Variants in KIAA0825 observed in about 807,000 individuals in gnomAD.
The protein encoded by KIAA0825 is KIAA0825.
Under a neutral mutation model 147.6 loss-of-function variants are expected in KIAA0825, and 119 were observed. The observed-to-expected ratio is 0.81, with a 90% CI of 0.69 to 0.94. The LOEUF is 0.94. KIAA0825 is among the 40% of genes least tolerant of loss of function. KIAA0825 has a pLI of 0.00. For synonymous variants in KIAA0825, 470 were observed against 518.1 expected (o/e 0.91, Z 1.26); for missense variants, 1,381 against 1,472.7 (o/e 0.94, Z 1.02).
At chr5:94,250,605 C>T (rs547126266) in intron 20 of KIAA0825, among the ~76,000 whole-genome samples, 1 of 152,192 alleles carries the variant, frequency 6.6e-6, no homozygotes, top group South Asian at 2.1e-4. Context: ...TACAAAGCCT[C>T]CTGCAACATA....
intron 20 of KIAA0825, among the ~76,000 whole-genome samples, chr5:94,339,706 C>T (rs1029563738): frequency 1.3e-5 from 2 of 152,134 alleles, no homozygotes; most frequent in Non-Finnish European, 2.9e-5. Context: ...AATTATACAT[C>T]AACTCAGTCA....
intron 6 of KIAA0825, among the ~76,000 whole-genome samples, chr5:94,483,636 T>C (rs572693690): frequency 2.6e-5 from 4 of 151,878 alleles, no homozygotes; most frequent in African/African-American, 9.6e-5. Context: ...ATCTTTATTT[T>C]TTCTTCAAAT....
At chr5:94,616,532 A>C (rs1479833129) in intron 1 of KIAA0825, among the ~76,000 whole-genome samples, 2 of 151,124 alleles carry the variant, frequency 1.3e-5, no homozygotes, top group Non-Finnish European at 3.0e-5. Context: ...TTCTCCCTAC[A>C]CACACACACA....
At chr5:94,545,948 T>TA (rs773010965) in intron 2 of KIAA0825, among the ~76,000 whole-genome samples, 6 of 152,148 alleles carry the variant, frequency 3.9e-5, no homozygotes, top group Non-Finnish European at 7.4e-5. Flanking sequence ...TGGATGGCAT[T>TA]TCTGGCCCTG....
intron 2 of KIAA0825, among the ~76,000 whole-genome samples, chr5:94,573,390 C>T (rs1355143986): frequency 6.6e-6 from 1 of 151,346 alleles, no homozygotes; most frequent in African/African-American, 2.4e-5. Context: ...CCTGTTTCAG[C>T]CTCCCTAGTA....
At chr5:94,594,145 C>CTT (rs1784843556) in intron 1 of KIAA0825, 2 of 555,472 alleles carry the variant, frequency 3.6e-6, no homozygotes, top group Non-Finnish European at 7.3e-6. Flanking sequence ...TGAATATCTG[C>CTT]TAAAGGTAAT....
At chr5:94,581,134 A>G (rs1584954098) in intron 2 of KIAA0825, among the ~76,000 whole-genome samples, 1 of 152,166 alleles carries the variant, frequency 6.6e-6, no homozygotes, top group Admixed American at 6.5e-5. Context: ...AAAAAAATCA[A>G]TAGTGAAACA....
At position 94,408,209 on chromosome 5, in the gene KIAA0825, T is replaced by C. The variant is rs371832918; in HGVS notation, c.2663-4416A>G. ...GATGGGAGCAGGACACCAAGACCTT[T>C]TGATAGTGAGAAGAAAGGGAGAGAT... On this transcript the variant is annotated intron_variant, in intron 15 of 20. Coordinates refer to ENST00000682413, the MANE Select transcript of KIAA0825 (RefSeq NM_001145678.3). Among the ~76,000 whole-genome samples the C allele has an allele frequency of 1.3e-5, 2 of 152,314 alleles. 1 individual carries two copies. Among genetic ancestry groups the C allele is most frequent in the East Asian group, 3.9e-4 (2 of 5,188 alleles).
chr5:94,253,931 G>A (rs543202753), intron 20 of KIAA0825, among the ~76,000 whole-genome samples: 1 of 152,192 alleles, frequency 6.6e-6, no homozygotes, highest in East Asian at 1.9e-4. Context: ...CACTTTATTA[G>A]CCTCCACAGG....
intron 20 of KIAA0825, among the ~76,000 whole-genome samples, chr5:94,294,599 A>C (rs541703123): frequency 3.3e-5 from 5 of 152,164 alleles, no homozygotes; most frequent in Non-Finnish European, 7.4e-5. Flanking sequence ...GGTGGCGCAC[A>C]CCTGTAATCC....
intron 20 of KIAA0825, among the ~76,000 whole-genome samples, chr5:94,159,012 A>G (rs1312506848): frequency 6.6e-6 from 1 of 152,182 alleles, no homozygotes; most frequent in Non-Finnish European, 1.5e-5. Flanking sequence ...TCCTCATCTA[A>G]TAAGAATGCA....
At chr5:94,514,445 A>G (rs1185572468) in intron 5 of KIAA0825, among the ~76,000 whole-genome samples, 1 of 152,168 alleles carries the variant, frequency 6.6e-6, no homozygotes, top group East Asian at 1.9e-4. Context: ...AAATAAATGT[A>G]TGCTATGAGT....
chr5:94,276,389 G>A (rs1439718428), intron 20 of KIAA0825, among the ~76,000 whole-genome samples: 1 of 152,098 alleles, frequency 6.6e-6, no homozygotes, highest in Non-Finnish European at 1.5e-5. Context: ...CCTGAGAAAG[G>A]AGAAATTGGT....
At position 94,470,063 on chromosome 5, in the gene KIAA0825, A is replaced by G; in HGVS notation, c.1770T>C (p.Thr590=). ...AGTAGTTCGTAACCTGAAACTGTAG[A>G]GTGTTGATGAATTCCTGATATCGTT... ...LVQRYQEFIN[T]LQFQVTNYCV... Residue 590 remains threonine, a synonymous_variant, in exon 10 of 21, where the codon ACT becomes ACC. Transcript: ENST00000682413. The G allele has an allele frequency of 1.3e-6, 2 of 1,551,586 alleles. No homozygotes were observed. The highest frequency in any genetic ancestry group is 1.7e-6 in the Non-Finnish European group (2 of 1,146,912).
At chr5:94,207,271 C>T (rs947218930) in intron 20 of KIAA0825, among the ~76,000 whole-genome samples, 2 of 152,142 alleles carry the variant, frequency 1.3e-5, no homozygotes, top group Admixed American at 6.5e-5. Context: ...AATGTGTGGT[C>T]CCCAGAAAGC....
intron 6 of KIAA0825, 74 bp from the exon 7 acceptor site, chr5:94,477,279 T>A: frequency 2.0e-6 from 2 of 989,110 alleles, no homozygotes; most frequent in East Asian, 5.3e-5. Flanking sequence ...ATTTATAAAT[T>A]CAGGTAAATA....
At chr5:94,190,065 A>T (rs959630003) in intron 20 of KIAA0825, among the ~76,000 whole-genome samples, 2 of 152,148 alleles carry the variant, frequency 1.3e-5, no homozygotes, top group African/African-American at 4.8e-5. Context: ...AAGTTTAAAA[A>T]TTTTTATTAT....
intron 19 of KIAA0825, 55 bp downstream of exon 19, chr5:94,386,187 C>T: frequency 1.3e-6 from 2 of 1,483,004 alleles, no homozygotes; most frequent in Admixed American, 2.4e-5. Flanking sequence ...GCAATTTTTT[C>T]TTACTTGGGT....
intron 5 of KIAA0825, among the ~76,000 whole-genome samples, chr5:94,516,169 G>T (rs1389412663): frequency 6.6e-6 from 1 of 152,114 alleles, no homozygotes; most frequent in African/African-American, 2.4e-5. Context: ...TGTCTGTCTG[G>T]TACCTTATCA....
Sources: gnomAD v4.1 joint callset for allele counts (sites outside exome capture counted in the v4.1 genomes callset) on GRCh38, gnomAD v4.1.1 for gene constraint, MANE v1.5 for transcripts, NCBI Gene and HGNC (gene_info 2026-07-23, HGNC 2026-07-21) for gene names.